Variants in GPC5 observed in about 807,000 individuals in gnomAD.
The protein encoded by GPC5 is glypican 5, also known as glypican-5.
In GPC5, 47 loss-of-function variants were observed where a neutral mutation model predicts 53.9. The ratio of observed to expected loss-of-function variants is 0.87; its 90% CI spans 0.69 to 1.11. The LOEUF is 1.11. Among genes scored for constraint, GPC5 ranks in the 50% most tolerant of loss-of-function variants. The probability of loss-of-function intolerance (pLI) is 0.00; values close to 1 mark genes in which losing one functional copy is unlikely to be tolerated. For missense variants in GPC5, 748 were observed against 713.1 expected, an observed-to-expected ratio of 1.05 and a Z score of -0.56; for synonymous variants, 286 against 263.3, an observed-to-expected ratio of 1.09 and a Z score of -0.84.
chr13:91,907,838 C>T, intron 5 of GPC5, 99 bp from the exon 6 acceptor site: 3 of 1,259,132 alleles, frequency 2.4e-6, no homozygotes, highest in Non-Finnish European at 2.2e-6. Context: ...GGTGTATTCT[C>T]TAAAGGAGGA....
chr13:91,440,774 C>T (rs1880362860), intron 1 of GPC5, among the ~76,000 whole-genome samples: 1 of 152,170 alleles, frequency 6.6e-6, no homozygotes, highest in African/African-American at 2.4e-5. Context: ...CTCAAACTGT[C>T]ACTGCGTCTC....
intron 6 of GPC5, among the ~76,000 whole-genome samples, chr13:91,937,675 T>G (rs1198067153): frequency 6.6e-6 from 1 of 152,072 alleles, no homozygotes; most frequent in Non-Finnish European, 1.5e-5. Flanking sequence ...CAAGATTGGA[T>G]AGACAGAAAC....
intron 5 of GPC5, among the ~76,000 whole-genome samples, chr13:91,775,607 G>A (rs2037698660): frequency 6.6e-6 from 1 of 152,128 alleles, no homozygotes; most frequent in South Asian, 2.1e-4. Flanking sequence ...GTTTGGGGCA[G>A]GCATTTCAGT....
chr13:91,972,060 G>A (rs966380349), intron 6 of GPC5, among the ~76,000 whole-genome samples: 3 of 152,212 alleles, frequency 2.0e-5, no homozygotes, highest in Non-Finnish European at 4.4e-5. Context: ...AATGTTGACA[G>A]TGGGGTGTTA....
intron 7 of GPC5, among the ~76,000 whole-genome samples, chr13:92,177,788 A>G (rs1349324318): frequency 6.6e-6 from 1 of 152,232 alleles, no homozygotes; most frequent in Non-Finnish European, 1.5e-5. Flanking sequence ...GACTAGTGAC[A>G]GAATAGCATC....
rs148005624 is a variant in GPC5, at chr13:92,046,204, A to G, written c.1402-98626A>G. ...ATCACAATTACCTATCTATGAGTATAACAGTAGGTGATTACATTTCCTGAA... is the reference window on the plus strand; with the variant it reads ...ATCACAATTACCTATCTATGAGTATGACAGTAGGTGATTACATTTCCTGAA... On this transcript the variant is annotated intron_variant, in intron 6 of 7. Transcript: ENST00000377067. 9.8e-4 allele frequency among the ~76,000 whole-genome samples: 150 copies of G among 152,316 alleles called. 2 individuals carry two copies. The highest frequency in any genetic ancestry group is 3.2e-3 in the African/African-American group (131 of 41,572).
At chr13:91,915,537 C>T (rs747277828) in intron 6 of GPC5, among the ~76,000 whole-genome samples, 1 of 152,018 alleles carries the variant, frequency 6.6e-6, no homozygotes, top group South Asian at 2.1e-4. Context: ...GTGGATGCTG[C>T]TGATTTTACA....
At chr13:92,518,474 A>G (rs1324810089) in intron 7 of GPC5, among the ~76,000 whole-genome samples, 1 of 152,164 alleles carries the variant, frequency 6.6e-6, no homozygotes, top group Non-Finnish European at 1.5e-5. Flanking sequence ...GCCAATATTC[A>G]ACATTCTTAA....
At chr13:92,495,413 ACCATATGGG>A (rs1879933640) in intron 7 of GPC5, among the ~76,000 whole-genome samples, 1 of 152,136 alleles carries the variant, frequency 6.6e-6, no homozygotes, top group Non-Finnish European at 1.5e-5. Context: ...CTAGCAGCAT[ACCATATGGG>A]AATCCTGAAT....
chr13:91,938,213 C>T (rs1270101427), intron 6 of GPC5, among the ~76,000 whole-genome samples: 2 of 152,064 alleles, frequency 1.3e-5, no homozygotes, highest in African/African-American at 4.8e-5. Context: ...TTGCCATCAT[C>T]TCCTCCACTG....
At chr13:92,517,405 C>T (rs1286796290) in intron 7 of GPC5, among the ~76,000 whole-genome samples, 1 of 152,216 alleles carries the variant, frequency 6.6e-6, no homozygotes, top group African/African-American at 2.4e-5. Context: ...GGGTCCCTGA[C>T]TCCCAAGTAG....
intron 5 of GPC5, among the ~76,000 whole-genome samples, chr13:91,780,852 T>C (rs1256184106): frequency 6.6e-6 from 1 of 152,226 alleles, no homozygotes; most frequent in East Asian, 1.9e-4. Flanking sequence ...ACATAATAAC[T>C]TCGTTTTTCT....
At chr13:92,038,936 G>A (rs1290257824) in intron 6 of GPC5, among the ~76,000 whole-genome samples, 1 of 152,200 alleles carries the variant, frequency 6.6e-6, no homozygotes, top group Non-Finnish European at 1.5e-5. Context: ...CCATGTGTGT[G>A]TGTTTTCTTT....
intron 7 of GPC5, among the ~76,000 whole-genome samples, chr13:92,513,642 T>G (rs1880662124): frequency 6.6e-6 from 1 of 152,056 alleles, no homozygotes. Flanking sequence ...AGGTTGAGTA[T>G]CTCTTATTTG....
chr13:92,592,614 G>GA (rs1334842899), intron 7 of GPC5, among the ~76,000 whole-genome samples: 3 of 151,292 alleles, frequency 2.0e-5, no homozygotes, highest in Non-Finnish European at 4.4e-5. Flanking sequence ...GTGGCATGAA[G>GA]AAAAATGAAG....
At chr13:92,044,609 C>T (rs1270007622) in intron 6 of GPC5, among the ~76,000 whole-genome samples, 1 of 152,138 alleles carries the variant, frequency 6.6e-6, no homozygotes, top group Non-Finnish European at 1.5e-5. Flanking sequence ...AGCAAGTGTT[C>T]TAGGAATTGT....
At chr13:91,996,046 A>G (rs1032179781) in intron 6 of GPC5, 1 of 152,214 alleles carries the variant, frequency 6.6e-6, no homozygotes, top group Non-Finnish European at 1.5e-5. Context: ...TTAATCCCAA[A>G]TGTTTTATTA....
intron 5 of GPC5, among the ~76,000 whole-genome samples, chr13:91,820,100 G>C (rs9560864): frequency 6.6e-6 from 1 of 151,982 alleles, no homozygotes; most frequent in East Asian, 1.9e-4. Flanking sequence ...CATTGTCATT[G>C]TTGGTGGTGG....
At chr13:91,520,971 A>G (rs1885780399) in intron 2 of GPC5, among the ~76,000 whole-genome samples, 1 of 152,124 alleles carries the variant, frequency 6.6e-6, no homozygotes, top group African/African-American at 2.4e-5. Flanking sequence ...TGCCTTTGGT[A>G]ATCTAATTTT....
Sources: gnomAD v4.1 joint callset for allele counts (sites outside exome capture counted in the v4.1 genomes callset) on GRCh38, gnomAD v4.1.1 for gene constraint, MANE v1.5 for transcripts, NCBI Gene and HGNC (gene_info 2026-07-23, HGNC 2026-07-21) for gene names.